The following TRIP4 variants were observed in gnomAD, a reference collection of about 807,000 sequenced individuals.
TRIP4 encodes the protein activating signal cointegrator 1.
A neutral mutation model predicts 81.8 loss-of-function variants in TRIP4; 54 were observed. The observed-to-expected ratio is 0.66, with a 90% CI of 0.53 to 0.83. TRIP4 has a LOEUF of 0.83. TRIP4 is among the 40% of genes least tolerant of loss of function. The pLI, the probability that TRIP4 is intolerant of heterozygous loss-of-function variation, is 0.00. For synonymous variants in TRIP4, 270 were observed against 242.8 expected (o/e 1.11, Z -1.04); for missense variants, 662 against 683.6 (o/e 0.97, Z 0.35).
chr15:64,405,213 G>A (rs951565837), intron 5 of TRIP4, among the ~76,000 whole-genome samples: 5 of 149,686 alleles, frequency 3.3e-5, no homozygotes, highest in African/African-American at 1.2e-4. Flanking sequence ...GGAGTGCAGT[G>A]GCACGGTCTC....
chr15:64,415,474 T>C (rs959734361), intron 8 of TRIP4, among the ~76,000 whole-genome samples: 1 of 152,202 alleles, frequency 6.6e-6, no homozygotes, highest in Non-Finnish European at 1.5e-5. Context: ...AAAGACTACA[T>C]TCCCTCTGAA....
intron 5 of TRIP4, 129 bp downstream of exon 5, chr15:64,400,950 G>A (rs72741304): frequency 3.2e-6 from 2 of 634,374 alleles, no homozygotes; most frequent in Non-Finnish European, 2.7e-6. Context: ...TTTTTGGGGG[G>A]TTTTTTTTGT....
At chr15:64,447,848 A>C (rs1479188143) in intron 12 of TRIP4, among the ~76,000 whole-genome samples, 1 of 152,166 alleles carries the variant, frequency 6.6e-6, no homozygotes, top group Non-Finnish European at 1.5e-5. Context: ...AGTAGCTGGG[A>C]CTACAGGTAT....
chr15:64,454,913 G>A, intron 12 of TRIP4, 84 bp from the exon 13 acceptor site: 2 of 1,241,188 alleles, frequency 1.6e-6, no homozygotes, highest in Admixed American at 1.8e-5. Flanking sequence ...CAGGAACACA[G>A]TAACCAGAAG....
intron 3 of TRIP4, among the ~76,000 whole-genome samples, chr15:64,396,043 G>A (rs1900283760): frequency 6.8e-6 from 1 of 147,432 alleles, no homozygotes; most frequent in African/African-American, 2.5e-5. Context: ...CAAGTAGCTG[G>A]GACTGCATGC....
At chr15:64,420,544 A>G (rs1437178756) in intron 9 of TRIP4, among the ~76,000 whole-genome samples, 1 of 147,868 alleles carries the variant, frequency 6.8e-6, no homozygotes, top group Non-Finnish European at 1.5e-5. Flanking sequence ...TTTTTTTTGA[A>G]ATGAAGTCTT....
intron 1 of TRIP4, among the ~76,000 whole-genome samples, chr15:64,390,012 A>G (rs915943521): frequency 2.0e-5 from 3 of 148,680 alleles, no homozygotes; most frequent in Non-Finnish European, 4.5e-5. Flanking sequence ...CAATTTTCAC[A>G]TATTTATTGT....
intron 2 of TRIP4, 57 bp downstream of exon 2, chr15:64,394,172 AATTATT>A (rs1040849707): frequency 2.9e-5 from 41 of 1,395,358 alleles, no homozygotes; most frequent in Non-Finnish European, 3.5e-5. Context: ...AGGCTTAAAG[AATTATT>A]ATTATTATTT....
At chr15:64,437,917 C>T (rs750792940) in intron 11 of TRIP4, among the ~76,000 whole-genome samples, 8 of 152,226 alleles carry the variant, frequency 5.3e-5, no homozygotes, top group Non-Finnish European at 1.2e-4. Context: ...AGATCTGCAG[C>T]AATGCTGTGT....
chr15:64,395,405 A>T lies in TRIP4; in HGVS notation c.279A>T (p.Leu93Phe). 1 of 1,600,204 alleles carries T rather than the reference A, an allele frequency of 6.2e-7. No individual in the cohort carries two copies. The highest frequency in any genetic ancestry group is 8.5e-7 in the Non-Finnish European group (1 of 1,176,098). The change falls in exon 3 of 13, where the codon TTA becomes TTT. Residue 93 changes from leucine to phenylalanine, a missense_variant. Leu to Phe is a conservative substitution (Grantham distance 22). Coordinates refer to ENST00000261884, the MANE Select transcript of TRIP4 (RefSeq NM_016213.5). ...TTTTTTCTATCTTTAAAGAAATTTT[A>T]GATGGGCAGAAATCAGGCGACCATC... is the stretch of plus-strand genomic sequence containing the variant. ...LQQCFKKDEI[L>F]DGQKSGDHLK... is the part of the protein sequence containing the mutation.
chr15:64,397,456 A>G, intron 3 of TRIP4, 150 bp from the exon 4 acceptor site: 1 of 747,822 alleles, frequency 1.3e-6, no homozygotes, highest in Non-Finnish European at 2.1e-6. Flanking sequence ...CCTTGATTAT[A>G]ACTAATTTGT....
intron 2 of TRIP4, among the ~76,000 whole-genome samples, chr15:64,394,735 A>G (rs1351275472): frequency 1.3e-5 from 2 of 152,232 alleles, no homozygotes; most frequent in African/African-American, 4.8e-5. Flanking sequence ...GGATGTAAGT[A>G]AAGTGTTGAT....
intron 4 of TRIP4, among the ~76,000 whole-genome samples, chr15:64,398,308 C>T (rs1315286694): frequency 2.7e-5 from 4 of 149,940 alleles, no homozygotes; most frequent in African/African-American, 9.9e-5. Context: ...TGGCACACGC[C>T]TGTAGTCCCA....
chr15:64,427,383 CTTTA>C (rs977424626), intron 11 of TRIP4, among the ~76,000 whole-genome samples: 1 of 151,960 alleles, frequency 6.6e-6, no homozygotes, highest in Non-Finnish European at 1.5e-5. Flanking sequence ...ATTCTTTACT[CTTTA>C]TTTATTTTTT....
intron 5 of TRIP4, among the ~76,000 whole-genome samples, chr15:64,401,378 G>T (rs1891504348): frequency 6.6e-6 from 1 of 151,880 alleles, no homozygotes; most frequent in Non-Finnish European, 1.5e-5. Flanking sequence ...CTCATGATCT[G>T]CCCACCTTGG....
intron 8 of TRIP4, 25 bp downstream of exon 8, chr15:64,414,236 T>C (rs1310919711): frequency 1.3e-5 from 21 of 1,610,628 alleles, no homozygotes; most frequent in Non-Finnish European, 1.8e-5. Flanking sequence ...GCTCTAACTG[T>C]TAATAAGAAG....
chr15:64,450,570 T>C, intron 12 of TRIP4: 1 of 423,034 alleles, frequency 2.4e-6, no homozygotes, highest in Non-Finnish European at 4.8e-6. Context: ...AAGAGTTGCC[T>C]CTATTGGCAA....
chr15:64,449,178 C>G (rs1263080171), intron 12 of TRIP4, among the ~76,000 whole-genome samples: 1 of 151,392 alleles, frequency 6.6e-6, no homozygotes, highest in Non-Finnish European at 1.5e-5. Flanking sequence ...CAATACTGCA[C>G]TCCAGCCTGG....
intron 12 of TRIP4, 92 bp downstream of exon 12, chr15:64,445,200 C>T (rs1892599761): frequency 1.6e-6 from 1 of 632,366 alleles, no homozygotes; most frequent in Non-Finnish European, 2.8e-6. Context: ...CTATAACTGA[C>T]TGTGAACAAT....
Sources: gnomAD v4.1 joint callset for allele counts (sites outside exome capture counted in the v4.1 genomes callset) on GRCh38, gnomAD v4.1.1 for gene constraint, MANE v1.5 for transcripts, NCBI Gene and HGNC (gene_info 2026-07-23, HGNC 2026-07-21) for gene names.